The following FLVCR2 variants were observed in gnomAD, a reference collection of about 807,000 sequenced individuals.
The protein encoded by FLVCR2 is FLVCR choline and putative heme transporter 2, also known as choline/ethanolamine transporter FLVCR2.
Under a neutral mutation model 48.9 loss-of-function variants are expected in FLVCR2, and 38 were observed. The ratio of observed to expected loss-of-function variants is 0.78; its 90% CI spans 0.60 to 1.02. FLVCR2 has a LOEUF of 1.02. FLVCR2 is among the 50% of genes least tolerant of loss of function. FLVCR2 has a pLI of 0.00. For synonymous variants in FLVCR2, 255 were observed against 257.0 expected, an observed-to-expected ratio of 0.99 and a Z score of 0.07; for missense variants, 664 against 663.3, an observed-to-expected ratio of 1.00 and a Z score of -0.01.
Position 75,595,326 on chromosome 14 carries a change from A to G in FLVCR2, c.669+15685A>G, listed in dbSNP as rs185570168. On this transcript the variant is annotated intron_variant, in intron 1 of 9. Transcript: ENST00000238667. ...ATAACCAGCTGGATAGTCCAGGTCT[A>G]GAACAATGATAGTATTTCAGCAGTG... Among the ~76,000 whole-genome samples the G allele has an allele frequency of 2.6e-5, 4 of 152,378 alleles. No homozygotes were observed. In the East Asian group the frequency reaches 7.7e-4, roughly 29 times the overall value.
intron 3 of FLVCR2, chr14:75,632,639 G>T: frequency 1.4e-6 from 1 of 702,320 alleles, no homozygotes; most frequent in Non-Finnish European, 2.6e-6. Context: ...AGGAACTCCT[G>T]AGGCTGCCCT....
chr14:75,628,023 CT>C (rs2140042884), intron 3 of FLVCR2, among the ~76,000 whole-genome samples: 1 of 152,318 alleles, frequency 6.6e-6, no homozygotes, highest in South Asian at 2.1e-4. Flanking sequence ...AGCTTCTTGC[CT>C]ATAGGGCGAG....
intron 1 of FLVCR2, among the ~76,000 whole-genome samples, chr14:75,610,695 T>C (rs1889420332): frequency 6.6e-6 from 1 of 152,200 alleles, no homozygotes; most frequent in Non-Finnish European, 1.5e-5. Context: ...GTAGGGTGCC[T>C]AGTATGCAGC....
chr14:75,625,645 C>T (rs1357139998), intron 3 of FLVCR2, among the ~76,000 whole-genome samples: 1 of 152,016 alleles, frequency 6.6e-6, no homozygotes, highest in Non-Finnish European at 1.5e-5. Context: ...AAATCTGTGA[C>T]ATGTACCGTA....
chr14:75,596,272 T>TA, intron 1 of FLVCR2: 1 of 536,096 alleles, frequency 1.9e-6, no homozygotes, highest in Non-Finnish European at 3.4e-6. Context: ...AGCCTCCTAT[T>TA]GTGCATTGGA....
chr14:75,598,944 T>G (rs1889092668), intron 1 of FLVCR2, among the ~76,000 whole-genome samples: 1 of 152,222 alleles, frequency 6.6e-6, no homozygotes, highest in African/African-American at 2.4e-5. Context: ...CCACTGAGGC[T>G]CCATACTATC....
intron 1 of FLVCR2, among the ~76,000 whole-genome samples, chr14:75,612,190 G>A (rs1416348805): frequency 6.6e-6 from 1 of 152,178 alleles, no homozygotes; most frequent in African/African-American, 2.4e-5. Flanking sequence ...TGAGCACAGT[G>A]TATCAGCTCT....
chr14:75,605,552 G>T, intron 1 of FLVCR2: 2 of 1,536,020 alleles, frequency 1.3e-6, no homozygotes, highest in Non-Finnish European at 1.7e-6. Context: ...CACAATTCAA[G>T]ACGCAGCCTT....
chr14:75,579,885 T>C (rs1168978708), intron 1 of FLVCR2, among the ~76,000 whole-genome samples: 2 of 152,222 alleles, frequency 1.3e-5, no homozygotes, highest in African/African-American at 2.4e-5. Flanking sequence ...GAACATACTA[T>C]ACCTTCGCTG....
rs2140059973 is a variant in FLVCR2 at position 75,578,928 on chromosome 14, C to T, written c.-45C>T. On this transcript the variant is annotated 5_prime_UTR_variant, in exon 1 of 10. Transcript: ENST00000238667. ...AGAGGCCACTGTCCCTTAAGACTGC[C>T]GGAGTCCTCACCACTTCTCCAGGAT... 1 of 1,582,692 alleles carries T rather than the reference C, an allele frequency of 6.3e-7. No homozygotes were observed. The highest frequency in any genetic ancestry group is 8.7e-7 in the Non-Finnish European group (1 of 1,151,576).
At chr14:75,602,110 T>C (rs1286139122) in intron 1 of FLVCR2, among the ~76,000 whole-genome samples, 1 of 152,228 alleles carries the variant, frequency 6.6e-6, no homozygotes, top group Admixed American at 6.5e-5. Flanking sequence ...ATGGGGATTG[T>C]GGAGCTTCCA....
chr14:75,643,589 C>T (rs1594818134), intron 9 of FLVCR2, among the ~76,000 whole-genome samples: 1 of 152,124 alleles, frequency 6.6e-6, no homozygotes, highest in African/African-American at 2.4e-5. Context: ...TACTATTTGT[C>T]TTTTGCTATT....
In FLVCR2 at chr14:75,646,549, G is replaced by C; in HGVS notation, c.*77G>C. On this transcript the variant is annotated 3_prime_UTR_variant, in exon 10 of 10. Coordinates refer to ENST00000238667, the MANE Select transcript of FLVCR2 (RefSeq NM_017791.3). ...GCACAGCTCTCACCGCCAGCACAAAGGGCTTCGCTAGAGATGTTTTTGGAG... is the reference window on the plus strand; with the variant it reads ...GCACAGCTCTCACCGCCAGCACAAACGGCTTCGCTAGAGATGTTTTTGGAG... 1 of 1,032,786 alleles carries C rather than the reference G, an allele frequency of 9.7e-7. No individual in the cohort carries two copies. Among genetic ancestry groups the C allele is most frequent in the African/African-American group, 1.6e-5 (1 of 63,744 alleles). The allele number at this position is 1,032,786 out of a possible 1,614,324, so 64.0% of individuals were successfully genotyped here. A position where few individuals can be genotyped will look rare whatever the true frequency, so the allele number is the denominator to read the frequency against.
chr14:75,588,873 C>G (rs1263195207), intron 1 of FLVCR2, among the ~76,000 whole-genome samples: 1 of 152,180 alleles, frequency 6.6e-6, no homozygotes, highest in East Asian at 1.9e-4. Flanking sequence ...AAAACACATT[C>G]ATTCTATCCC....
intron 2 of FLVCR2, among the ~76,000 whole-genome samples, chr14:75,624,083 C>T (rs761241773): frequency 1.6e-4 from 24 of 149,380 alleles, no homozygotes; most frequent in Non-Finnish European, 3.1e-4. Flanking sequence ...GTAATCAGTC[C>T]GGGTGCGGTG....
chr14:75,642,659 G>T (rs1220317271), intron 9 of FLVCR2, among the ~76,000 whole-genome samples: 1 of 152,060 alleles, frequency 6.6e-6, no homozygotes, highest in Non-Finnish European at 1.5e-5. Context: ...ATACAGAAAA[G>T]TGTACAAAAT....
At chr14:75,590,520 C>T (rs963940755) in intron 1 of FLVCR2, among the ~76,000 whole-genome samples, 13 of 152,306 alleles carry the variant, frequency 8.5e-5, no homozygotes, top group Non-Finnish European at 1.6e-4. Flanking sequence ...CACCAAATCT[C>T]ATGTTGAATT....
chr14:75,598,833 A>C (rs2075141), intron 1 of FLVCR2, among the ~76,000 whole-genome samples: 54,661 of 152,138 alleles, frequency 0.36, 13,102 homozygotes, highest in African/African-American at 0.66. Flanking sequence ...ATTTCACAGA[A>C]TTAAGTCTAA....
intron 1 of FLVCR2, among the ~76,000 whole-genome samples, chr14:75,590,719 T>C (rs1474478107): frequency 6.6e-6 from 1 of 152,218 alleles, no homozygotes; most frequent in Non-Finnish European, 1.5e-5. Context: ...TCTGTCCAGG[T>C]GATGTGTGTG....
Sources: allele counts gnomAD v4.1 joint callset (sites outside exome capture counted in the v4.1 genomes callset), GRCh38; gene constraint gnomAD v4.1.1; transcripts MANE v1.5; gene names NCBI Gene and HGNC (gene_info 2026-07-23, HGNC 2026-07-21).